Variants in RIC3 observed in about 807,000 individuals in gnomAD.
RIC3 encodes RIC3 acetylcholine receptor chaperone.
In RIC3, 28 loss-of-function variants were observed where a neutral mutation model predicts 27.3. The observed-to-expected ratio is 1.02, with a 90% CI of 0.76 to 1.41. The LOEUF is 1.41. Among genes scored for constraint, RIC3 ranks in the 40% most tolerant of loss-of-function variants. The pLI, the probability that RIC3 is intolerant of heterozygous loss-of-function variation, is 0.00. For missense variants in RIC3, 501 were observed against 444.7 expected (o/e 1.13, Z -1.14); for synonymous variants, 184 against 160.4 (o/e 1.15, Z -1.11).
the RIC3 span, among the ~76,000 whole-genome samples, chr11:8,099,763 G>A: frequency 6.6e-6 from 1 of 152,154 alleles, no homozygotes; most frequent in South Asian, 2.1e-4. Flanking sequence ...TGGCAGGGAG[G>A]GCGTCACTGA....
the RIC3 span, chr11:8,097,457 G>C: frequency 6.2e-7 from 1 of 1,613,740 alleles, no homozygotes; most frequent in South Asian, 1.1e-5. Context: ...TATCATCTAG[G>C]CTTTACAGCC....
intron 4 of RIC3, among the ~76,000 whole-genome samples, chr11:8,130,082 C>T (rs916576041): frequency 3.3e-5 from 5 of 152,170 alleles, no homozygotes; most frequent in Non-Finnish European, 7.3e-5. Context: ...ATTTATTCTT[C>T]TCCATTACTC....
chr11:8,104,622 G>A (rs1399016023), downstream of RIC3: 2 of 152,198 alleles, frequency 1.3e-5, no homozygotes, highest in African/African-American at 2.4e-5. Flanking sequence ...GAAGATACCA[G>A]CTTTTTCTCT....
chr11:8,123,078 G>A (rs995998279), intron 5 of RIC3, among the ~76,000 whole-genome samples: 6 of 152,054 alleles, frequency 3.9e-5, no homozygotes, highest in African/African-American at 1.2e-4. Flanking sequence ...AGATGATAAT[G>A]TCTGAAATTA....
chr11:8,151,401 C>A (rs1476447071), intron 1 of RIC3, among the ~76,000 whole-genome samples: 6 of 150,978 alleles, frequency 4.0e-5, no homozygotes, highest in Non-Finnish European at 8.8e-5. Context: ...TCCTGGCTAA[C>A]ACGGTGAAAC....
intron 1 of RIC3, among the ~76,000 whole-genome samples, chr11:8,163,811 ATT>A (rs35000979): frequency 0.025 from 3,460 of 136,762 alleles, 97 homozygotes; most frequent in Admixed American, 0.065. Flanking sequence ...CCCAACTGGC[ATT>A]TTTTTTTTTT....
the RIC3 span, chr11:8,096,755 G>A: frequency 1.9e-6 from 3 of 1,614,148 alleles, no homozygotes; most frequent in South Asian, 1.1e-5. Flanking sequence ...GCTCCTCCCA[G>A]CTAAATAGTA....
the RIC3 span, among the ~76,000 whole-genome samples, chr11:8,100,317 A>G: frequency 2.0e-5 from 3 of 152,064 alleles, no homozygotes; most frequent in Non-Finnish European, 2.9e-5. Flanking sequence ...GCATAAGAGG[A>G]GCTAGTTCTG....
Position 8,108,642 on chromosome 11 carries a change from T to G in RIC3, c.*2056A>C, listed in dbSNP as rs1267055382. 1 of 152,234 alleles carries G rather than the reference T, an allele frequency of 6.6e-6. No individual in the cohort carries two copies. Among genetic ancestry groups the G allele is most frequent in the Non-Finnish European group, 1.5e-5 (1 of 68,044 alleles). The allele number at this position is 152,234 out of a possible 1,614,324, so 9.4% of individuals were successfully genotyped here. On this transcript the variant is annotated 3_prime_UTR_variant, in exon 6 of 6. Coordinates refer to ENST00000309737, the MANE Select transcript of RIC3 (RefSeq NM_001206671.4). ...GCAGGGACAGATTATGGCTCATGTT[T>G]CTCTGCCTGCAGGATTCACGATCCT...
At chr11:8,098,976 C>G in the RIC3 span, 27 of 890,972 alleles carry the variant, frequency 3.0e-5, no homozygotes, top group East Asian at 3.4e-4. Flanking sequence ...AGTGGGTAGA[C>G]AAGGCTGTGT....
chr11:8,097,177 T>G, the RIC3 span: 4 of 1,598,620 alleles, frequency 2.5e-6, no homozygotes, highest in Non-Finnish European at 3.4e-6. Flanking sequence ...ACCACCAATT[T>G]GGGCTGCTTA....
intron 1 of RIC3, among the ~76,000 whole-genome samples, chr11:8,155,091 T>G (rs1352315576): frequency 6.6e-6 from 1 of 151,842 alleles, no homozygotes; most frequent in Non-Finnish European, 1.5e-5. Context: ...TGTGGTGGCA[T>G]GCACCTGTAG....
At chr11:8,152,814 A>G (rs2134141091) in intron 1 of RIC3, among the ~76,000 whole-genome samples, 1 of 152,248 alleles carries the variant, frequency 6.6e-6, no homozygotes, top group Non-Finnish European at 1.5e-5. Context: ...CATATGCTTC[A>G]AATTGTGGTC....
the RIC3 span, chr11:8,097,444 T>C: frequency 3.7e-6 from 6 of 1,614,060 alleles, no homozygotes; most frequent in South Asian, 1.1e-5. Flanking sequence ...GGTCTGGGCA[T>C]GTTATCATCT....
At chr11:8,124,538 T>C (rs1946801091) in intron 5 of RIC3, among the ~76,000 whole-genome samples, 2 of 152,202 alleles carry the variant, frequency 1.3e-5, no homozygotes, top group South Asian at 4.1e-4. Context: ...ACAAACTGAT[T>C]GTAAATTTAT....
chr11:8,152,735 T>C lies in RIC3; in HGVS notation c.125-12542A>G, dbSNP rs545357998. ...ATCTTAAATAGGTGAATTGCATATG[T>C]AAATTACGTCTCAATAAAGCTTTTT... On this transcript the variant is annotated intron_variant, in intron 1 of 5. Transcript: ENST00000309737. 1.5e-3 allele frequency among the ~76,000 whole-genome samples: 231 copies of C among 152,244 alleles called. 1 individual carries two copies. The highest frequency in any genetic ancestry group is 5.2e-3 in the African/African-American group (216 of 41,542).
chr11:8,154,871 A>C (rs1236128397), intron 1 of RIC3, among the ~76,000 whole-genome samples: 2 of 152,194 alleles, frequency 1.3e-5, no homozygotes, highest in Non-Finnish European at 2.9e-5. Context: ...CTCTATAGGT[A>C]CTTAAGTATT....
chr11:8,163,018 AAC>A (rs59248468), intron 1 of RIC3, among the ~76,000 whole-genome samples: 6,945 of 135,774 alleles, frequency 0.051, 448 homozygotes, highest in African/African-American at 0.17. Context: ...GGATTATTTA[AAC>A]ACACACACAC....
At chr11:8,133,839 G>A (rs961457717) in intron 4 of RIC3, among the ~76,000 whole-genome samples, 1 of 152,128 alleles carries the variant, frequency 6.6e-6, no homozygotes, top group African/African-American at 2.4e-5. Context: ...CTGAATGGTG[G>A]AGTAATTTGA....
Sources: gnomAD v4.1 joint callset for allele counts (sites outside exome capture counted in the v4.1 genomes callset) on GRCh38, gnomAD v4.1.1 for gene constraint, MANE v1.5 for transcripts, NCBI Gene and HGNC (gene_info 2026-07-23, HGNC 2026-07-21) for gene names.